CLSTN2: variants seen among roughly 807,000 people sequenced by gnomAD.
CLSTN2 encodes the protein calsyntenin-2.
Under a neutral mutation model 101.2 loss-of-function variants are expected in CLSTN2, and 48 were observed. That is an observed-to-expected ratio of 0.47 (90% confidence interval 0.38 to 0.60). The LOEUF (loss-of-function observed/expected upper bound fraction) is 0.60, where lower values mean the gene tolerates loss of function less well. Among genes scored for constraint, CLSTN2 ranks in the 20% least tolerant of loss-of-function variants. The pLI is 0.00. For synonymous variants in CLSTN2, 481 were observed against 463.6 expected (o/e 1.04, Z -0.48); for missense variants, 1,160 against 1,238.2 (o/e 0.94, Z 0.95).
chr3:140,467,370 G>C (rs1238592119), intron 8 of CLSTN2, among the ~76,000 whole-genome samples: 1 of 152,170 alleles, frequency 6.6e-6, no homozygotes, highest in Admixed American at 6.5e-5. Flanking sequence ...TCACTTTTCT[G>C]GGTGGCTGTG....
In CLSTN2 at chr3:140,333,682, CTGTGTGTGTG is replaced by C. The variant is rs10545391; in HGVS notation, c.233-69923_233-69914del. 6.6e-3 allele frequency among the ~76,000 whole-genome samples: 974 copies of C among 147,658 alleles called. 21 individuals are homozygous for C. Among genetic ancestry groups the C allele is most frequent in the African/African-American group, 0.023 (921 of 39,994 alleles). ...GAAACTAACAGTATTAGAGTGGAGA[CTGTGTGTGTG>C]TGTGTGTGTGTGTGTGTGTGTGTAT... On this transcript the variant is annotated intron_variant, in intron 2 of 16. Transcript: ENST00000458420.
At chr3:140,155,290 T>G (rs1319007517) in intron 1 of CLSTN2, among the ~76,000 whole-genome samples, 2 of 152,194 alleles carry the variant, frequency 1.3e-5, no homozygotes. Context: ...TGTGTTGGTG[T>G]AGGAATGGCA....
chr3:140,100,868 C>A (rs1362611533), intron 1 of CLSTN2, among the ~76,000 whole-genome samples: 1 of 152,196 alleles, frequency 6.6e-6, no homozygotes, highest in African/African-American at 2.4e-5. Flanking sequence ...TGAGTACAAT[C>A]ACCCTTCCAT....
intron 1 of CLSTN2, among the ~76,000 whole-genome samples, chr3:140,029,535 T>G (rs1560074145): frequency 6.6e-6 from 1 of 152,128 alleles, no homozygotes; most frequent in Non-Finnish European, 1.5e-5. Context: ...CTGAAGTCAT[T>G]TCTTACAAAA....
intron 1 of CLSTN2, among the ~76,000 whole-genome samples, chr3:140,091,262 A>C (rs548034852): frequency 6.6e-6 from 1 of 152,172 alleles, no homozygotes; most frequent in South Asian, 2.1e-4. Context: ...GGGCAGGGAG[A>C]GATGACTCAG....
At chr3:140,143,141 G>A (rs1475796163) in intron 1 of CLSTN2, among the ~76,000 whole-genome samples, 1 of 152,264 alleles carries the variant, frequency 6.6e-6, no homozygotes, top group East Asian at 1.9e-4. Flanking sequence ...ACCTGAGATG[G>A]CAGCTGCTGT....
intron 10 of CLSTN2, among the ~76,000 whole-genome samples, chr3:140,547,796 C>T (rs542787637): frequency 6.6e-6 from 1 of 152,314 alleles, no homozygotes; most frequent in East Asian, 1.9e-4. Flanking sequence ...GTAGCCCCCA[C>T]TCAATCATAG....
intron 1 of CLSTN2, among the ~76,000 whole-genome samples, chr3:139,955,127 T>TATATATATATATATATAC: frequency 7.1e-6 from 1 of 140,562 alleles, no homozygotes; most frequent in Non-Finnish European, 1.5e-5. Flanking sequence ...TATATATATA[T>TATATATATATATATATAC]ATATATATAT....
intron 2 of CLSTN2, among the ~76,000 whole-genome samples, chr3:140,222,364 C>T (rs1056362358): frequency 4.6e-5 from 7 of 151,984 alleles, no homozygotes; most frequent in Admixed American, 2.0e-4. Context: ...ATAGTTAATT[C>T]GTACAAAAAG....
chr3:140,541,477 T>G (rs971110245), intron 9 of CLSTN2, among the ~76,000 whole-genome samples: 1 of 152,332 alleles, frequency 6.6e-6, no homozygotes, highest in South Asian at 2.1e-4. Context: ...AACTTTTCCA[T>G]GCATTGTGGA....
At chr3:140,217,360 G>A (rs541137346) in intron 2 of CLSTN2, among the ~76,000 whole-genome samples, 47 of 152,074 alleles carry the variant, frequency 3.1e-4, no homozygotes, top group Non-Finnish European at 6.6e-4. Context: ...GTCCTGAATG[G>A]CTGCCCAAGG....
At chr3:140,184,056 A>G (rs964788218) in intron 2 of CLSTN2, among the ~76,000 whole-genome samples, 1 of 152,134 alleles carries the variant, frequency 6.6e-6, no homozygotes, top group African/African-American at 2.4e-5. Context: ...AACTGATCTC[A>G]GCTGGGCTTG....
chr3:140,077,277 G>T (rs943591744), intron 1 of CLSTN2, among the ~76,000 whole-genome samples: 2 of 152,002 alleles, frequency 1.3e-5, no homozygotes, highest in South Asian at 2.1e-4. Flanking sequence ...GTCATTCTCC[G>T]CCAGTGGCTA....
chr3:140,078,519 G>A (rs1276858231), intron 1 of CLSTN2, among the ~76,000 whole-genome samples: 1 of 152,216 alleles, frequency 6.6e-6, no homozygotes, highest in Non-Finnish European at 1.5e-5. Flanking sequence ...TGTAATGAGT[G>A]TATGTCTCCA....
intron 2 of CLSTN2, 96 bp downstream of exon 2, chr3:140,176,169 C>T: frequency 1.5e-6 from 2 of 1,359,208 alleles, no homozygotes; most frequent in South Asian, 2.7e-5. Flanking sequence ...TAGCTATTGT[C>T]ACCACCCTGT....
chr3:140,357,849 C>T (rs899520359), intron 2 of CLSTN2, among the ~76,000 whole-genome samples: 8 of 152,160 alleles, frequency 5.3e-5, no homozygotes, highest in Non-Finnish European at 1.0e-4. Flanking sequence ...GCTGACCAAC[C>T]TCAATGACTT....
chr3:140,476,559 A>G lies in CLSTN2; in HGVS notation c.1344+9828A>G, dbSNP rs576406374. ...CTTAGTGAATATGCACGAGGACAAG[A>G]ATATACTCATATCCCTAAATGTTTA... On this transcript the variant is annotated intron_variant, in intron 8 of 16. Transcript: ENST00000458420. Among the ~76,000 whole-genome samples the G allele has an allele frequency of 6.0e-4, 91 of 152,320 alleles. 1 individual carries two copies. In the Middle Eastern group the frequency reaches 0.01, roughly 17 times the overall value.
chr3:140,443,570 T>A (rs1446709375), intron 5 of CLSTN2, among the ~76,000 whole-genome samples: 1 of 152,226 alleles, frequency 6.6e-6, no homozygotes, highest in African/African-American at 2.4e-5. Flanking sequence ...TTAGGCCCAA[T>A]TATTAAAACA....
intron 2 of CLSTN2, among the ~76,000 whole-genome samples, chr3:140,259,010 T>C (rs1204705533): frequency 6.6e-6 from 1 of 152,204 alleles, no homozygotes; most frequent in Non-Finnish European, 1.5e-5. Flanking sequence ...TGGACATATT[T>C]TTGGCAGTAA....
Sources: gnomAD v4.1 joint callset for allele counts (sites outside exome capture counted in the v4.1 genomes callset) on GRCh38, gnomAD v4.1.1 for gene constraint, MANE v1.5 for transcripts, NCBI Gene and HGNC (gene_info 2026-07-23, HGNC 2026-07-21) for gene names.